CNTN5: variants seen among roughly 807,000 people sequenced by gnomAD.
The protein encoded by CNTN5 is contactin-5.
In CNTN5, 77 loss-of-function variants were observed where a neutral mutation model predicts 129.1. That is an observed-to-expected ratio of 0.60 (90% CI 0.50 to 0.72). The LOEUF (loss-of-function observed/expected upper bound fraction) is 0.72. Among genes scored for constraint, CNTN5 ranks in the 30% least tolerant of loss-of-function variants. CNTN5 has a pLI of 0.00. For missense variants in CNTN5, 1,478 were observed against 1,328.8 expected (o/e 1.11, Z -1.75); for synonymous variants, 509 against 465.6 (o/e 1.09, Z -1.20).
chr11:100,337,572 C>T lies in CNTN5; in HGVS notation c.2731-2891C>T, dbSNP rs1050291114. ...TGTGGATTTTCTGAGCAATGAGGGG[C>T]ACGTCTATTCTACTGTGGAGGATGA... is the stretch of plus-strand genomic sequence containing the variant. On this transcript the variant is annotated intron_variant, in intron 21 of 24. Transcript: ENST00000524871. 1.8e-5 allele frequency: 13 copies of T among 741,848 alleles called. No homozygotes were observed. The East Asian group carries it at 2.0e-4, about 11-fold the overall frequency. The allele number at this position is 741,848 out of a possible 1,614,324, so 46.0% of individuals were successfully genotyped here. A position where few individuals can be genotyped will look rare whatever the true frequency, so the allele number is the denominator to read the frequency against.
At chr11:99,154,780 G>A (rs181023193) in intron 1 of CNTN5, among the ~76,000 whole-genome samples, 14 of 152,264 alleles carry the variant, frequency 9.2e-5, no homozygotes, top group African/African-American at 3.4e-4. Context: ...GTGGGGCCTT[G>A]GGAGAGGATA....
chr11:99,714,375 G>C (rs1955130614), intron 3 of CNTN5, among the ~76,000 whole-genome samples: 1 of 151,866 alleles, frequency 6.6e-6, no homozygotes, highest in African/African-American at 2.4e-5. Context: ...GCTGCTTACA[G>C]AAGAAAATAA....
intron 13 of CNTN5, among the ~76,000 whole-genome samples, chr11:100,086,142 A>T (rs542779171): frequency 6.6e-6 from 1 of 151,950 alleles, no homozygotes; most frequent in African/African-American, 2.4e-5. Context: ...TTAACTTAGT[A>T]GCCAAGAGGT....
At chr11:100,303,140 G>T (rs1157504768) in intron 20 of CNTN5, among the ~76,000 whole-genome samples, 1 of 151,510 alleles carries the variant, frequency 6.6e-6, no homozygotes, top group South Asian at 2.1e-4. Context: ...ATATTTGCCT[G>T]CCAAGATATC....
intron 13 of CNTN5, among the ~76,000 whole-genome samples, chr11:100,082,054 G>T (rs1328609965): frequency 6.6e-6 from 1 of 152,064 alleles, no homozygotes; most frequent in Admixed American, 6.6e-5. Context: ...CATAAATTTG[G>T]TAACAAGATG....
At chr11:99,218,036 A>T (rs1392753236) in intron 1 of CNTN5, among the ~76,000 whole-genome samples, 1 of 151,962 alleles carries the variant, frequency 6.6e-6, no homozygotes, top group East Asian at 1.9e-4. Flanking sequence ...GATTACATTT[A>T]TTTTCTCCAA....
At chr11:100,221,245 T>C (rs997304449) in intron 15 of CNTN5, among the ~76,000 whole-genome samples, 9 of 152,102 alleles carry the variant, frequency 5.9e-5, no homozygotes, top group Admixed American at 3.3e-4. Flanking sequence ...TATGCCTATG[T>C]CTAGGTGAAT....
At chr11:99,671,216 C>A (rs1185838645) in intron 3 of CNTN5, among the ~76,000 whole-genome samples, 1 of 151,716 alleles carries the variant, frequency 6.6e-6, no homozygotes, top group East Asian at 1.9e-4. Flanking sequence ...TACTTAGCTG[C>A]CTTTCCTAAC....
intron 1 of CNTN5, among the ~76,000 whole-genome samples, chr11:99,184,625 G>C (rs958523522): frequency 6.6e-6 from 1 of 152,138 alleles, no homozygotes; most frequent in South Asian, 2.1e-4. Context: ...TACTTAATAA[G>C]TGTCATATCA....
At chr11:99,439,718 A>AAC (rs1377022123) in intron 2 of CNTN5, among the ~76,000 whole-genome samples, 1 of 148,788 alleles carries the variant, frequency 6.7e-6, no homozygotes, top group Non-Finnish European at 1.5e-5. Context: ...AAAAAAAAAA[A>AAC]AAAAAAAGAA....
chr11:99,726,124 C>G (rs1466738227), intron 3 of CNTN5, among the ~76,000 whole-genome samples: 4 of 152,168 alleles, frequency 2.6e-5, no homozygotes, highest in Non-Finnish European at 2.9e-5. Flanking sequence ...TCCTCTCCCT[C>G]TATCTCTGGG....
intron 1 of CNTN5, among the ~76,000 whole-genome samples, chr11:99,280,366 A>G (rs1252927629): frequency 1.3e-5 from 2 of 151,880 alleles, no homozygotes; most frequent in Non-Finnish European, 2.9e-5. Flanking sequence ...GTGTTTTAAT[A>G]TCATCAAAAT....
intron 1 of CNTN5, among the ~76,000 whole-genome samples, chr11:99,183,514 A>G (rs1170758642): frequency 6.6e-6 from 1 of 151,922 alleles, no homozygotes; most frequent in African/African-American, 2.4e-5. Context: ...TCCTCTTAAA[A>G]TTATCTCCTT....
intron 4 of CNTN5, among the ~76,000 whole-genome samples, chr11:99,820,497 C>A (rs1946765187): frequency 6.6e-6 from 1 of 152,306 alleles, no homozygotes; most frequent in Non-Finnish European, 1.5e-5. Context: ...CAGCTATTGG[C>A]TTTATAGTTT....
intron 2 of CNTN5, among the ~76,000 whole-genome samples, chr11:99,459,669 C>A (rs1195380608): frequency 6.6e-6 from 1 of 151,928 alleles, no homozygotes; most frequent in Non-Finnish European, 1.5e-5. Flanking sequence ...TGGTCACTGC[C>A]TTTGCACAGA....
At chr11:99,833,890 C>T (rs948298911) in intron 4 of CNTN5, among the ~76,000 whole-genome samples, 2 of 152,102 alleles carry the variant, frequency 1.3e-5, no homozygotes, top group African/African-American at 4.8e-5. Context: ...GTGTTTCAGA[C>T]ATTTGTGGGG....
intron 1 of CNTN5, among the ~76,000 whole-genome samples, chr11:99,217,124 G>A (rs1860167939): frequency 6.6e-6 from 1 of 152,140 alleles, no homozygotes; most frequent in African/African-American, 2.4e-5. Context: ...AGTTTCCACT[G>A]AGCCAAGATC....
chr11:100,058,607 A>C (rs1943336255), intron 9 of CNTN5, among the ~76,000 whole-genome samples: 1 of 152,122 alleles, frequency 6.6e-6, no homozygotes, highest in South Asian at 2.1e-4. Context: ...CTACACCAAC[A>C]AGCAAAAATT....
chr11:99,196,279 A>C (rs1858897648), intron 1 of CNTN5, among the ~76,000 whole-genome samples: 1 of 151,952 alleles, frequency 6.6e-6, no homozygotes, highest in Non-Finnish European at 1.5e-5. Flanking sequence ...ACATATTTTT[A>C]CAATTTATTT....
Sources: gnomAD v4.1 joint callset for allele counts (sites outside exome capture counted in the v4.1 genomes callset) on GRCh38, gnomAD v4.1.1 for gene constraint, MANE v1.5 for transcripts, NCBI Gene and HGNC (gene_info 2026-07-23, HGNC 2026-07-21) for gene names.